Variants in ACTN2 observed in about 807,000 individuals in gnomAD.
ACTN2 encodes the protein actinin alpha 2.
In ACTN2, 39 loss-of-function variants were observed where a neutral mutation model predicts 113.8. The ratio of observed to expected loss-of-function variants is 0.34; its 90% CI spans 0.27 to 0.45. The LOEUF (loss-of-function observed/expected upper bound fraction) is 0.45, where lower values mean the gene tolerates loss of function less well. Among genes scored for constraint, ACTN2 ranks in the 20% least tolerant of loss-of-function variants. The probability of loss-of-function intolerance (pLI) is 1.00; values close to 1 mark genes in which losing one functional copy is unlikely to be tolerated. For synonymous variants in ACTN2, 429 were observed against 444.1 expected (o/e 0.97, Z 0.43); for missense variants, 992 against 1,177.9 (o/e 0.84, Z 2.31).
chr1:236,710,742 C>T (rs1198120580), intron 1 of ACTN2, among the ~76,000 whole-genome samples: 1 of 152,204 alleles, frequency 6.6e-6, no homozygotes, highest in Non-Finnish European at 1.5e-5. Flanking sequence ...ACTCCGCCTC[C>T]TGTCAGATCA....
chr1:236,696,721 A>G (rs1030950829), intron 1 of ACTN2, among the ~76,000 whole-genome samples: 1 of 143,080 alleles, frequency 7.0e-6, no homozygotes, highest in Non-Finnish European at 1.5e-5. Flanking sequence ...GCTGGAGTGC[A>G]GTGGCGCAAT....
intron 12 of ACTN2, among the ~76,000 whole-genome samples, chr1:236,745,011 C>T (rs886355387): frequency 1.3e-5 from 2 of 152,182 alleles, no homozygotes; most frequent in Non-Finnish European, 2.9e-5. Context: ...CAGGCAGCTC[C>T]GCTTCCAGCA....
intron 1 of ACTN2, among the ~76,000 whole-genome samples, chr1:236,715,012 T>C (rs111465442): frequency 6.7e-6 from 1 of 148,526 alleles, no homozygotes; most frequent in Non-Finnish European, 1.5e-5. Flanking sequence ...TGTGTGTTTA[T>C]GTATACACAG....
At chr1:236,692,752 C>G (rs764002023) in intron 1 of ACTN2, among the ~76,000 whole-genome samples, 10 of 151,370 alleles carry the variant, frequency 6.6e-5, no homozygotes, top group Non-Finnish European at 1.0e-4. Flanking sequence ...AGGCCTTCAG[C>G]CACATTCACC....
At chr1:236,724,078 G>C (rs1442955619) in intron 4 of ACTN2, among the ~76,000 whole-genome samples, 1 of 151,040 alleles carries the variant, frequency 6.6e-6, no homozygotes, top group Non-Finnish European at 1.5e-5. Context: ...TTTTCTCACA[G>C]TTCTTGAGGC....
chr1:236,759,936 C>T (rs1286604147), intron 19 of ACTN2, 147 bp downstream of exon 19: 2 of 750,044 alleles, frequency 2.7e-6, no homozygotes, highest in East Asian at 5.6e-5. Context: ...GAAGGTCTCA[C>T]TGTTATTATA....
chr1:236,736,988 G>T (rs988328831), intron 8 of ACTN2, 134 bp from the exon 9 acceptor site: 6 of 710,130 alleles, frequency 8.4e-6, no homozygotes, highest in Non-Finnish European at 1.0e-5. Flanking sequence ...CAGTCTGACC[G>T]CACCCTAAGC....
At chr1:236,693,108 T>G (rs908824122) in intron 1 of ACTN2, among the ~76,000 whole-genome samples, 1 of 151,768 alleles carries the variant, frequency 6.6e-6, no homozygotes, top group African/African-American at 2.4e-5. Context: ...AAGGAAAACC[T>G]TAAGTGCAAG....
intron 6 of ACTN2, among the ~76,000 whole-genome samples, chr1:236,730,600 C>G (rs1487726606): frequency 6.6e-6 from 1 of 151,780 alleles, no homozygotes; most frequent in African/African-American, 2.4e-5. Context: ...AGTTATATAC[C>G]TCTGGTTAAG....
chr1:236,727,155 C>G (rs1178198442), intron 5 of ACTN2, among the ~76,000 whole-genome samples: 1 of 148,118 alleles, frequency 6.8e-6, no homozygotes, highest in Non-Finnish European at 1.5e-5. Flanking sequence ...CCTCCTTCAC[C>G]TACATGCCTT....
intron 1 of ACTN2, among the ~76,000 whole-genome samples, chr1:236,702,889 C>T (rs1657718309): frequency 6.6e-6 from 1 of 152,168 alleles, no homozygotes; most frequent in Admixed American, 6.5e-5. Context: ...TGAATGCTTG[C>T]ATCTCTGTGT....
intron 8 of ACTN2, 21 bp downstream of exon 8, chr1:236,735,741 C>T (rs755975055): frequency 1.1e-5 from 18 of 1,607,348 alleles, no homozygotes; most frequent in Non-Finnish European, 1.3e-5. Flanking sequence ...CTTGTCCGTC[C>T]GGGCTGTTGT....
intron 8 of ACTN2, chr1:236,736,740 C>G: frequency 1.0e-6 from 1 of 990,462 alleles, no homozygotes; most frequent in Non-Finnish European, 1.5e-6. Context: ...CAGGGAGTCT[C>G]CATCCCATCG....
At chr1:236,734,563 T>A in intron 7 of ACTN2, 1 of 1,394,562 alleles carries the variant, frequency 7.2e-7, no homozygotes, top group Non-Finnish European at 9.7e-7. Flanking sequence ...TCACCTTCTG[T>A]GTCTTAATTT....
chr1:236,731,737 G>T (rs1369481493), intron 7 of ACTN2, among the ~76,000 whole-genome samples: 1 of 152,182 alleles, frequency 6.6e-6, no homozygotes, highest in Non-Finnish European at 1.5e-5. Context: ...CTTCCAGCCA[G>T]AAGTTAGAGA....
At chr1:236,689,350 T>C (rs1461844209) in intron 1 of ACTN2, among the ~76,000 whole-genome samples, 1 of 142,938 alleles carries the variant, frequency 7.0e-6, no homozygotes. Context: ...CACACACATA[T>C]GTATATTTTA....
At chr1:236,739,121 A>C (rs1393675133) in intron 9 of ACTN2, among the ~76,000 whole-genome samples, 181 bp from the exon 10 acceptor site, 2 of 151,882 alleles carry the variant, frequency 1.3e-5, no homozygotes, top group African/African-American at 4.8e-5. Context: ...TGGGGTGATC[A>C]CTCGCGGCCA....
chr1:236,718,580 A>G (rs1359421260), intron 2 of ACTN2, among the ~76,000 whole-genome samples: 3 of 152,152 alleles, frequency 2.0e-5, no homozygotes, highest in Non-Finnish European at 4.4e-5. Flanking sequence ...GCAACTCTGA[A>G]TACTCCAGGG....
At chr1:236,730,624 GT>G (rs1658687332) in intron 6 of ACTN2, among the ~76,000 whole-genome samples, 1 of 151,986 alleles carries the variant, frequency 6.6e-6, no homozygotes, top group Admixed American at 6.6e-5. Flanking sequence ...ATTTTGCTAT[GT>G]TATGTATATT....
Sources: gnomAD v4.1 joint callset for allele counts (sites outside exome capture counted in the v4.1 genomes callset) on GRCh38, gnomAD v4.1.1 for gene constraint, MANE v1.5 for transcripts, NCBI Gene and HGNC (gene_info 2026-07-23, HGNC 2026-07-21) for gene names.